The following DCC variants were observed in gnomAD, a reference collection of about 807,000 sequenced individuals.
The protein encoded by DCC is DCC netrin 1 receptor, also known as netrin receptor DCC.
In DCC, 58 loss-of-function variants were observed where a neutral mutation model predicts 172.5. The observed-to-expected ratio is 0.34, with a 90% CI of 0.27 to 0.42. The LOEUF (loss-of-function observed/expected upper bound fraction) is 0.42. Ranked by LOEUF, DCC falls within the 10% of genes least tolerant of loss-of-function variation. The pLI, the probability that DCC is intolerant of heterozygous loss-of-function variation, is 1.00. For synonymous variants in DCC, 709 were observed against 644.5 expected, an observed-to-expected ratio of 1.10 and a Z score of -1.52; for missense variants, 1,740 against 1,791.0, an observed-to-expected ratio of 0.97 and a Z score of 0.51.
At chr18:53,127,575 T>A (rs1038379117) in intron 7 of DCC, among the ~76,000 whole-genome samples, 1 of 152,182 alleles carries the variant, frequency 6.6e-6, no homozygotes, top group Non-Finnish European at 1.5e-5. Context: ...TTTGGTTTTA[T>A]AATTTGCATC....
intron 13 of DCC, among the ~76,000 whole-genome samples, chr18:53,311,077 C>T (rs2057261107): frequency 6.6e-6 from 1 of 150,940 alleles, no homozygotes; most frequent in East Asian, 2.0e-4. Flanking sequence ...TTCGTCTCAT[C>T]CAAACTGGTT....
At chr18:53,027,664 CT>C (rs1197884322) in intron 5 of DCC, among the ~76,000 whole-genome samples, 1 of 152,066 alleles carries the variant, frequency 6.6e-6, no homozygotes, top group Admixed American at 6.6e-5. Flanking sequence ...TTTCCATTTT[CT>C]TTTTTTCTCT....
chr18:53,015,348 A>G (rs551322476), intron 5 of DCC, among the ~76,000 whole-genome samples: 2 of 152,330 alleles, frequency 1.3e-5, no homozygotes, highest in South Asian at 4.1e-4. Flanking sequence ...ATTAAACATC[A>G]TTTAATTTGT....
At chr18:52,370,232 T>C (rs1489534351) in intron 1 of DCC, among the ~76,000 whole-genome samples, 1 of 152,206 alleles carries the variant, frequency 6.6e-6, no homozygotes, top group African/African-American at 2.4e-5. Context: ...ACTGGGTATG[T>C]ACCCGAAGGA....
chr18:52,866,293 A>G, intron 2 of DCC, among the ~76,000 whole-genome samples: 1 of 152,210 alleles, frequency 6.6e-6, no homozygotes, highest in Non-Finnish European at 1.5e-5. Flanking sequence ...TGGTTACTGT[A>G]GCCTTACAGG....
At chr18:53,243,519 C>A (rs1046518188) in intron 12 of DCC, among the ~76,000 whole-genome samples, 1 of 152,094 alleles carries the variant, frequency 6.6e-6, no homozygotes, top group Non-Finnish European at 1.5e-5. Context: ...CTAGTTGCCT[C>A]TTTGTTTCTG....
chr18:53,197,788 CA>C (rs1472912186), intron 9 of DCC, among the ~76,000 whole-genome samples: 4 of 151,800 alleles, frequency 2.6e-5, no homozygotes, highest in Admixed American at 2.0e-4. Flanking sequence ...TTGCAAATAT[CA>C]AATTTCTTAC....
chr18:52,551,447 A>G (rs1145279), intron 1 of DCC, among the ~76,000 whole-genome samples: 37,749 of 151,966 alleles, frequency 0.25, 4,856 homozygotes, highest in African/African-American at 0.3. Flanking sequence ...TTGTTATAGT[A>G]ATATGATTAC....
intron 21 of DCC, among the ~76,000 whole-genome samples, chr18:53,433,744 C>A (rs1181423451): frequency 6.6e-6 from 1 of 152,136 alleles, no homozygotes; most frequent in Non-Finnish European, 1.5e-5. Context: ...AATTTCAGCT[C>A]ATTTTGATTG....
At chr18:52,540,796 C>CG (rs1385888398) in intron 1 of DCC, among the ~76,000 whole-genome samples, 7 of 151,652 alleles carry the variant, frequency 4.6e-5, no homozygotes, top group Admixed American at 3.9e-4. Context: ...TTAGTAGAGA[C>CG]GGGGTTTCAC....
At chr18:53,087,678 A>G (rs867149507) in intron 7 of DCC, among the ~76,000 whole-genome samples, 9 of 151,824 alleles carry the variant, frequency 5.9e-5, no homozygotes, top group Non-Finnish European at 1.0e-4. Flanking sequence ...GTCCTTGCCC[A>G]TGCCTATGTC....
At chr18:53,422,153 A>G (rs930292288) in intron 21 of DCC, among the ~76,000 whole-genome samples, 1 of 152,188 alleles carries the variant, frequency 6.6e-6, no homozygotes, top group Non-Finnish European at 1.5e-5. Flanking sequence ...GGACCTGGTC[A>G]TGATTCTAAG....
chr18:53,135,770 AG>A (rs1181529011), intron 7 of DCC, among the ~76,000 whole-genome samples: 1 of 152,176 alleles, frequency 6.6e-6, no homozygotes, highest in Non-Finnish European at 1.5e-5. Flanking sequence ...TCATTTCCTA[AG>A]GGAACATTTG....
chr18:52,430,685 T>C (rs567235716), intron 1 of DCC, among the ~76,000 whole-genome samples: 5 of 152,210 alleles, frequency 3.3e-5, no homozygotes, highest in Admixed American at 6.5e-5. Flanking sequence ...AGCCAGTTTA[T>C]GTTTGTAGTG....
chr18:53,513,079 C>CAAAG (rs1176096181), intron 27 of DCC, among the ~76,000 whole-genome samples: 1 of 152,144 alleles, frequency 6.6e-6, no homozygotes, highest in East Asian at 1.9e-4. Context: ...GGGTTACCCT[C>CAAAG]AAAGGGAAGC....
At chr18:52,655,066 C>CT (rs146046696) in intron 1 of DCC, among the ~76,000 whole-genome samples, 11,055 of 152,174 alleles carry the variant, frequency 0.073, 545 homozygotes, top group Middle Eastern at 0.19. Flanking sequence ...GAAACTGCAC[C>CT]TTTTTACATT....
At chr18:53,063,704 A>G in intron 6 of DCC, 1 of 440,234 alleles carries the variant, frequency 2.3e-6, no homozygotes, top group South Asian at 2.3e-5. Context: ...AACAAACAAA[A>G]ATAAATGAAA....
At chr18:52,648,706 G>A (rs1456990426) in intron 1 of DCC, among the ~76,000 whole-genome samples, 4 of 152,120 alleles carry the variant, frequency 2.6e-5, no homozygotes, top group African/African-American at 7.2e-5. Context: ...AGAGTTGAGG[G>A]AAAGGGGATG....
intron 1 of DCC, among the ~76,000 whole-genome samples, chr18:52,610,560 T>C (rs1432967603): frequency 2.6e-5 from 4 of 151,818 alleles, no homozygotes; most frequent in Admixed American, 1.3e-4. Flanking sequence ...CTCCTTTCCA[T>C]AGAAAAATAT....
Sources: allele counts gnomAD v4.1 joint callset (sites outside exome capture counted in the v4.1 genomes callset), GRCh38; gene constraint gnomAD v4.1.1; transcripts MANE v1.5; gene names NCBI Gene and HGNC (gene_info 2026-07-23, HGNC 2026-07-21).